The following HAUS6 variants were observed in gnomAD, a reference collection of about 807,000 sequenced individuals.
HAUS6 encodes HAUS augmin-like complex subunit 6.
In HAUS6, 80 loss-of-function variants were observed where a neutral mutation model predicts 106.8. The ratio of observed to expected loss-of-function variants is 0.75; its 90% CI spans 0.63 to 0.90. The LOEUF (loss-of-function observed/expected upper bound fraction) is 0.90. Ranked by LOEUF, HAUS6 falls within the 40% of genes least tolerant of loss-of-function variation. The pLI, the probability that HAUS6 is intolerant of heterozygous loss-of-function variation, is 0.00. For synonymous variants in HAUS6, 356 were observed against 379.1 expected, an observed-to-expected ratio of 0.94 and a Z score of 0.71; for missense variants, 1,155 against 1,118.1, an observed-to-expected ratio of 1.03 and a Z score of -0.47.
At chr9:19,074,357 G>C (rs1433439040) in intron 11 of HAUS6, among the ~76,000 whole-genome samples, 1 of 152,050 alleles carries the variant, frequency 6.6e-6, no homozygotes, top group Admixed American at 6.6e-5. Flanking sequence ...TTGCAGCCTT[G>C]AACTCCCGGG....
chr9:19,094,438 A>C, intron 2 of HAUS6, 43 bp from the exon 3 acceptor site: 1 of 1,087,400 alleles, frequency 9.2e-7, no homozygotes, highest in Non-Finnish European at 1.4e-6. Flanking sequence ...GCACAACAAT[A>C]GCCAAAAAAA....
chr9:19,100,364 A>C (rs1817962580), intron 1 of HAUS6, among the ~76,000 whole-genome samples: 1 of 152,198 alleles, frequency 6.6e-6, no homozygotes, highest in South Asian at 2.1e-4. Context: ...AGACTATCTC[A>C]AAAAATAAAA....
intron 4 of HAUS6, among the ~76,000 whole-genome samples, chr9:19,090,763 C>G (rs932447470): frequency 6.6e-6 from 1 of 152,154 alleles, no homozygotes; most frequent in Non-Finnish European, 1.5e-5. Context: ...CCTAGTAAGA[C>G]CAATAGGACA....
At chr9:19,056,576 C>G in intron 16 of HAUS6, 172 bp from the exon 17 acceptor site, 1 of 538,908 alleles carries the variant, frequency 1.9e-6, no homozygotes, top group South Asian at 2.6e-5. Flanking sequence ...CTCCAGAGAT[C>G]AATACATTCC....
At position 19,057,955 on chromosome 9, in the gene HAUS6, C is replaced by T. The variant is rs1338773881; in HGVS notation, c.2806+6G>A. The stretch of plus-strand genomic sequence containing the variant: ...GTGAATATGCATAGGTCTATTTAAA[C>T]CTTACCCTTTAAATTAGGTAGTTCT... On this transcript the variant is annotated splice_donor_region_variant and intron_variant, in intron 16 of 16. Coordinates refer to ENST00000380502, the MANE Select transcript of HAUS6 (RefSeq NM_017645.5). The T allele has an allele frequency of 1.3e-6, 2 of 1,560,430 alleles. No individual in the cohort carries two copies. The highest frequency in any genetic ancestry group is 2.3e-5 in the South Asian group (2 of 87,190).
chr9:19,075,394 C>T (rs1450272392), intron 11 of HAUS6, among the ~76,000 whole-genome samples: 1 of 152,164 alleles, frequency 6.6e-6, no homozygotes, highest in South Asian at 2.1e-4. Flanking sequence ...TGAATTATAT[C>T]TCAACAAATC....
At position 19,058,464 on chromosome 9, in the gene HAUS6, A is replaced by G. The variant is rs1836531002; in HGVS notation, c.2303T>C (p.Phe768Ser). Residue 768 changes from phenylalanine to serine, a missense_variant, in exon 16 of 17, where the codon TTT (phenylalanine) becomes TCT (serine). This residue lies in a region of HAUS6 where 380 missense variants were observed against 394.8 expected (regional missense o/e 0.96). Coordinates refer to ENST00000380502, the MANE Select transcript of HAUS6 (RefSeq NM_017645.5). ...QISSGISSKS[F>S]KDNDFGILHE... is the part of the protein sequence containing the mutation. ...TAATATGCCAAAATCATTATCTTTA[A>G]AACTCTTAGAACTAATTCCACTTGA... 3 of 1,595,738 alleles carry G rather than the reference A, an allele frequency of 1.9e-6. No individual in the cohort carries two copies. The highest frequency in any genetic ancestry group is 2.6e-6 in the Non-Finnish European group (3 of 1,166,954).
At chr9:19,057,931 T>C (rs1836509384) in intron 16 of HAUS6, 30 bp downstream of exon 16, 1 of 1,329,908 alleles carries the variant, frequency 7.5e-7, no homozygotes, top group South Asian at 1.3e-5. Flanking sequence ...CTTCAACAGG[T>C]GAATATGCAT....
chr9:19,070,531 G>T (rs1255287284), intron 11 of HAUS6, among the ~76,000 whole-genome samples: 2 of 152,148 alleles, frequency 1.3e-5, no homozygotes, highest in Non-Finnish European at 2.9e-5. Context: ...ACTAAAACAA[G>T]TTACTCAAAG....
chr9:19,095,504 CAA>C (rs35289506), intron 2 of HAUS6, among the ~76,000 whole-genome samples: 5 of 136,566 alleles, frequency 3.7e-5, no homozygotes, highest in Admixed American at 7.4e-5. Flanking sequence ...TGATAATCAG[CAA>C]AAAAAAAAAA....
At chr9:19,078,648 C>T (rs1837065466) in intron 9 of HAUS6, among the ~76,000 whole-genome samples, 1 of 150,292 alleles carries the variant, frequency 6.7e-6, no homozygotes, top group Admixed American at 6.7e-5. Flanking sequence ...ATTAGCCGGG[C>T]GTAGGGGTGG....
chr9:19,100,056 G>A (rs553007836), intron 1 of HAUS6, among the ~76,000 whole-genome samples: 48 of 152,336 alleles, frequency 3.2e-4, no homozygotes, highest in South Asian at 1.4e-3. Context: ...TTAGCCAGGC[G>A]TGGTGGCAGG....
intron 12 of HAUS6, among the ~76,000 whole-genome samples, chr9:19,068,061 C>G (rs1459563402): frequency 6.6e-6 from 1 of 151,734 alleles, no homozygotes; most frequent in East Asian, 1.9e-4. Flanking sequence ...ATATATTAAT[C>G]TAGTATCCCT....
intron 16 of HAUS6, chr9:19,057,597 G>C: frequency 8.3e-6 from 2 of 239,942 alleles, no homozygotes; most frequent in Non-Finnish European, 1.6e-5. Flanking sequence ...CCCACCCCCA[G>C]ATATTACACC....
chr9:19,100,567 C>G (rs568082967), intron 1 of HAUS6, among the ~76,000 whole-genome samples: 3 of 152,262 alleles, frequency 2.0e-5, no homozygotes, highest in African/African-American at 4.8e-5. Context: ...ATCCAGCAAT[C>G]CCACTGCTGG....
chr9:19,080,080 A>G (rs1837105081), intron 9 of HAUS6, among the ~76,000 whole-genome samples: 1 of 148,938 alleles, frequency 6.7e-6, no homozygotes, highest in African/African-American at 2.5e-5. Flanking sequence ...AGGCTGAGGC[A>G]GGAGAATCAC....
chr9:19,059,392 T>C (rs1836557442), intron 15 of HAUS6, among the ~76,000 whole-genome samples: 1 of 152,240 alleles, frequency 6.6e-6, no homozygotes, highest in Admixed American at 6.5e-5. Context: ...TCTGCCATGA[T>C]AGCATGAAAG....
intron 4 of HAUS6, among the ~76,000 whole-genome samples, chr9:19,090,427 T>G (rs774944346): frequency 1.3e-5 from 2 of 152,150 alleles, no homozygotes; most frequent in Admixed American, 6.5e-5. Flanking sequence ...TGCAGTGGCG[T>G]GATCTCGGCT....
chr9:19,099,959 C>A (rs752543022), intron 1 of HAUS6, among the ~76,000 whole-genome samples: 81 of 152,238 alleles, frequency 5.3e-4, no homozygotes, highest in Middle Eastern at 3.4e-3. Context: ...TTTGGGAGGC[C>A]AAGGCAGGTG....
Sources: allele counts gnomAD v4.1 joint callset (sites outside exome capture counted in the v4.1 genomes callset), GRCh38; gene constraint gnomAD v4.1.1; regional missense constraint gnomAD v4.1.1; transcripts MANE v1.5; gene names NCBI Gene and HGNC (gene_info 2026-07-23, HGNC 2026-07-21).